SETX: variants seen among roughly 807,000 people sequenced by gnomAD.
SETX encodes senataxin.
A neutral mutation model predicts 227.2 loss-of-function variants in SETX; 90 were observed. That is an observed-to-expected ratio of 0.40 (90% CI 0.33 to 0.47). The LOEUF (loss-of-function observed/expected upper bound fraction) is 0.47. Among genes scored for constraint, SETX ranks in the 20% least tolerant of loss-of-function variants. The pLI is 0.91. For missense variants in SETX, 3,052 were observed against 3,181.5 expected (o/e 0.96, Z 0.98); for synonymous variants, 1,210 against 1,113.2 (o/e 1.09, Z -1.73).
rs764145024 is a variant in SETX at position 132,326,321 on chromosome 9, T to C, written c.5274+3A>G. 4 of 1,578,458 alleles carry C rather than the reference T, an allele frequency of 2.5e-6. No homozygotes were observed. The highest frequency in any genetic ancestry group is 3.3e-4 in the Middle Eastern group (2 of 6,028). ...GAGGCATACAAATGAAACACATACT[T>C]ACTGTTTCAAAAGTATTCAATACCA... On this transcript the variant is annotated splice_donor_region_variant and intron_variant, in intron 10 of 25. Transcript: ENST00000224140.
intron 15 of SETX, among the ~76,000 whole-genome samples, chr9:132,294,830 C>CCCAGAG (rs1844576917): frequency 6.6e-6 from 1 of 152,176 alleles, no homozygotes; most frequent in African/African-American, 2.4e-5. Context: ...TCTCCAAGGA[C>CCCAGAG]TCTCTAAGGC....
At chr9:132,309,524 C>CT (rs1020228032) in intron 11 of SETX, among the ~76,000 whole-genome samples, 7 of 152,058 alleles carry the variant, frequency 4.6e-5, no homozygotes, top group South Asian at 2.1e-4. Flanking sequence ...GTTACATACT[C>CT]TTTTTTATAG....
In SETX at chr9:132,340,942, T is replaced by G. The variant is rs542212193; in HGVS notation, c.498+1748A>C. ...GTGGGAGAATGCTCTGAGAGGTAAT[T>G]CCATAGTGCCTCCCACAGGCACTGC... On this transcript the variant is annotated intron_variant, in intron 5 of 25. Transcript: ENST00000224140. Among the ~76,000 whole-genome samples, 6 of 152,234 alleles carry G rather than the reference T, an allele frequency of 3.9e-5. No individual in the cohort carries two copies. In the East Asian group the frequency reaches 1.2e-3, roughly 29 times the overall value.
chr9:132,288,260 T>A lies in SETX; in HGVS notation c.6300A>T (p.Leu2100=), dbSNP rs1042207435. The change falls in exon 17 of 26, where the codon CTA becomes CTT. Residue 2100 remains leucine (L), a synonymous_variant. Coordinates refer to ENST00000224140, the MANE Select transcript of SETX (RefSeq NM_015046.7). ...CCTGTATTTCCCGTCCACCTCGGCA[T>A]AGAGCTCGCTGCCGGGAAAGCTCAT... ...QLDELSRQRA[L]CRGGREIQRQ... 1.9e-6 allele frequency: 3 copies of A among 1,614,156 alleles called. No homozygotes were observed. Among genetic ancestry groups the A allele is most frequent in the Non-Finnish European group, 2.5e-6 (3 of 1,179,960 alleles).
chr9:132,304,600 G>A (rs1233721112), intron 11 of SETX, among the ~76,000 whole-genome samples: 7 of 148,368 alleles, frequency 4.7e-5, no homozygotes, highest in African/African-American at 1.7e-4. Context: ...GCCACTGAAC[G>A]TCAGCCTGGG....
At chr9:132,345,226 G>C (rs1328681167) in intron 4 of SETX, among the ~76,000 whole-genome samples, 1 of 152,206 alleles carries the variant, frequency 6.6e-6, no homozygotes, top group Non-Finnish European at 1.5e-5. Flanking sequence ...TGTCACCAAT[G>C]CAAGGCTGAG....
At chr9:132,272,165 C>T (rs890360322) in intron 23 of SETX, among the ~76,000 whole-genome samples, 5 of 151,958 alleles carry the variant, frequency 3.3e-5, no homozygotes, top group South Asian at 2.1e-4. Context: ...CCACCGCGTC[C>T]GGCTTAGTTT....
chr9:132,333,424 C>CAT (rs1847388889), intron 7 of SETX, among the ~76,000 whole-genome samples: 1 of 112,490 alleles, frequency 8.9e-6, no homozygotes, highest in African/African-American at 3.5e-5. Flanking sequence ...TATACACACA[C>CAT]ACACACACAC....
At position 132,264,669 on chromosome 9, in the gene SETX, T is replaced by G; in HGVS notation, c.7604A>C (p.Gln2535Pro). 6.2e-7 allele frequency: 1 copy of G among 1,614,234 alleles called. No individual in the cohort carries two copies. The highest frequency in any genetic ancestry group is 2.2e-5 in the East Asian group (1 of 44,890). Residue 2535 changes from glutamine to proline, a missense_variant, in exon 26 of 26, where the codon CAA (glutamine) becomes CCA (proline). Gln to Pro is a moderately conservative substitution (Grantham distance 76). Around this residue, in one of 10 missense-constraint regions of SETX, gnomAD observed 294 missense variants for 278.8 expected, o/e 1.05. Coordinates refer to ENST00000224140, the MANE Select transcript of SETX (RefSeq NM_015046.7). Reference sequence around the variant, plus strand: ...CTTCAGCAGTCGTGGGTCCTGAAGTTGGTCATGAACAGGAGGTCTTTCAGG... The same window carrying G: ...CTTCAGCAGTCGTGGGTCCTGAAGTGGGTCATGAACAGGAGGTCTTTCAGG... ...KDPERPPVHD[Q>P]LQDPRLLKRM...
Position 132,326,959 on chromosome 9 carries a change from T to A in SETX, c.4639A>T (p.Thr1547Ser). The change falls in exon 10 of 26, where the codon ACA (threonine) becomes TCA (serine). Residue 1547 changes from threonine (T) to serine (S), a missense_variant. By Grantham distance (58) the Thr-to-Ser change is moderately conservative (BLOSUM62 1). This residue lies in a region of SETX where 1,483 missense variants were observed against 1,312.0 expected (regional missense o/e 1.13). Transcript: ENST00000224140. ...AGACAATCTTTGTACTTACACTTTG[T>A]GCCACTCAAAGATTCCAACTGAGGC... Reference protein sequence around the residue: ...SRPQLESLSGTKCKYKDCLET... With the variant: ...SRPQLESLSGSKCKYKDCLET... 1.2e-6 allele frequency: 2 copies of A among 1,614,220 alleles called. No homozygotes were observed. The highest frequency in any genetic ancestry group is 1.7e-6 in the Non-Finnish European group (2 of 1,180,038).
intron 23 of SETX, among the ~76,000 whole-genome samples, chr9:132,272,868 T>TACTAAG (rs61190408): frequency 0.44 from 67,299 of 151,560 alleles, 17,927 homozygotes; most frequent in African/African-American, 0.74. Context: ...ACAAGTTATT[T>TACTAAG]ACTTAGTGTT....
At chr9:132,337,466 CAA>C in intron 5 of SETX, among the ~76,000 whole-genome samples, 1 of 148,768 alleles carries the variant, frequency 6.7e-6, no homozygotes, top group African/African-American at 2.5e-5. Flanking sequence ...AGAAAAATAT[CAA>C]GAGTGCATCC....
At chr9:132,356,597 A>C (rs1848925392), upstream of SETX, among the ~76,000 whole-genome samples, 1 of 152,158 alleles carries the variant, frequency 6.6e-6, no homozygotes, top group African/African-American at 2.4e-5. Context: ...AACAATTAGT[A>C]GTGGTGACTC....
intron 10 of SETX, among the ~76,000 whole-genome samples, chr9:132,312,254 G>A (rs749128108): frequency 6.6e-6 from 1 of 152,012 alleles, no homozygotes; most frequent in Non-Finnish European, 1.5e-5. Context: ...AGTCCAAAAG[G>A]ACCTAGATTT....
chr9:132,356,620 AAG>A (rs1296772760), upstream of SETX, among the ~76,000 whole-genome samples: 7 of 152,228 alleles, frequency 4.6e-5, no homozygotes, highest in Admixed American at 3.3e-4. Flanking sequence ...GCGATAAAAA[AAG>A]AGGCTGAGAT....
intron 24 of SETX, among the ~76,000 whole-genome samples, chr9:132,270,842 A>T (rs1188503004): frequency 6.6e-6 from 1 of 152,254 alleles, no homozygotes; most frequent in Non-Finnish European, 1.5e-5. Flanking sequence ...ATGTATGATA[A>T]AAGTGAAATT....
intron 5 of SETX, among the ~76,000 whole-genome samples, chr9:132,337,732 G>A (rs759333929): frequency 1.3e-5 from 2 of 152,202 alleles, no homozygotes; most frequent in African/African-American, 4.8e-5. Context: ...ATGTCAAGTG[G>A]TAAATAGTAA....
At position 132,288,542 on chromosome 9, in the gene SETX, G is replaced by C; in HGVS notation, c.6208+8C>G. 1 of 1,599,276 alleles carries C rather than the reference G, an allele frequency of 6.3e-7. No individual in the cohort carries two copies. The highest frequency in any genetic ancestry group is 8.6e-7 in the Non-Finnish European group (1 of 1,166,676). On this transcript the variant is annotated splice_region_variant and intron_variant, in intron 16 of 25. Coordinates refer to ENST00000224140, the MANE Select transcript of SETX (RefSeq NM_015046.7). ...AAAACACTAGTATATACCACATTCA[G>C]TACTTACTCATTCTGTGGTTTACTT...
intron 19 of SETX, among the ~76,000 whole-genome samples, chr9:132,282,000 T>C (rs1589633754): frequency 7.9e-6 from 1 of 125,884 alleles, no homozygotes; most frequent in East Asian, 2.3e-4. Context: ...CCGGTCTGGG[T>C]GAGTGCAGAC....
Sources: gnomAD v4.1 joint callset for allele counts (sites outside exome capture counted in the v4.1 genomes callset) on GRCh38, gnomAD v4.1.1 for gene constraint, gnomAD v4.1.1 regional missense constraint, MANE v1.5 for transcripts, NCBI Gene and HGNC (gene_info 2026-07-23, HGNC 2026-07-21) for gene names.